PYGB: variants seen among roughly 807,000 people sequenced by gnomAD.
The protein encoded by PYGB is glycogen phosphorylase, brain form.
PYGB carries 82 observed loss-of-function variants against 94.3 expected under a neutral mutation model. That is an observed-to-expected ratio of 0.87 (90% CI 0.73 to 1.04). The LOEUF (loss-of-function observed/expected upper bound fraction) is 1.04, where lower values mean the gene tolerates loss of function less well. Among genes scored for constraint, PYGB ranks in the 50% least tolerant of loss-of-function variants. The pLI is 0.00. For synonymous variants in PYGB, 488 were observed against 479.1 expected (o/e 1.02, Z -0.24); for missense variants, 1,132 against 1,158.2 (o/e 0.98, Z 0.33).
In PYGB at chr20:25,294,661, G is replaced by A. The variant is rs537444784; in HGVS notation, c.2312+369G>A. Reference sequence around the variant, plus strand: ...CAAAACTCCCTGGGGTGGGGTAGGGGGCGCACAAGGGCTGCGGAACCGCGG... The same window carrying A: ...CAAAACTCCCTGGGGTGGGGTAGGGAGCGCACAAGGGCTGCGGAACCGCGG... On this transcript the variant is annotated intron_variant, in intron 18 of 19. Coordinates refer to ENST00000216962, the MANE Select transcript of PYGB (RefSeq NM_002862.4). The A allele has an allele frequency of 1.9e-5, 11 of 568,416 alleles. No individual in the cohort carries two copies. In the East Asian group the frequency reaches 3.4e-4, roughly 18 times the overall value. 35.2% of individuals were successfully genotyped at this position (568,416 alleles called of 1,614,324 possible).
intron 1 of PYGB, among the ~76,000 whole-genome samples, chr20:25,255,535 G>A (rs1047472743): frequency 2.6e-5 from 4 of 152,188 alleles, no homozygotes; most frequent in African/African-American, 9.7e-5. Context: ...TGGCAGGGAG[G>A]GACACTCTGC....
chr20:25,294,745 A>G, intron 18 of PYGB: 1 of 633,480 alleles, frequency 1.6e-6, no homozygotes, highest in South Asian at 1.8e-5. Flanking sequence ...CAACGATGTG[A>G]CATTATAATG....
At chr20:25,250,445 A>G (rs1229231835) in intron 1 of PYGB, among the ~76,000 whole-genome samples, 1 of 152,202 alleles carries the variant, frequency 6.6e-6, no homozygotes, top group Non-Finnish European at 1.5e-5. Flanking sequence ...CTTAAACCGC[A>G]CAGTCTGTAA....
At chr20:25,257,205 A>T (rs1327915201) in intron 1 of PYGB, among the ~76,000 whole-genome samples, 1 of 152,262 alleles carries the variant, frequency 6.6e-6, no homozygotes, top group Admixed American at 6.5e-5. Context: ...GAAAGTTCTT[A>T]AATTGAAACA....
rs2088556064 is a variant in PYGB at position 25,296,930 on chromosome 20, A to AT, written c.*409dup. The AT allele has an allele frequency of 5.6e-6, 1 of 178,084 alleles. No homozygotes were observed. Among genetic ancestry groups the AT allele is most frequent in the Non-Finnish European group, 1.2e-5 (1 of 83,810 alleles). 11.0% of individuals were successfully genotyped at this position (178,084 alleles called of 1,614,324 possible). On this transcript the variant is annotated 3_prime_UTR_variant, in exon 20 of 20. Coordinates refer to ENST00000216962, the MANE Select transcript of PYGB (RefSeq NM_002862.4). ...CCAGTGGCCATAGTGAAGCCTGGGA[A>AT]TGAGTGTTACTGCAGCATCTGGGCT...
At chr20:25,292,150 G>C (rs1428284136) in intron 16 of PYGB, among the ~76,000 whole-genome samples, 1 of 152,180 alleles carries the variant, frequency 6.6e-6, no homozygotes, top group Non-Finnish European at 1.5e-5. Flanking sequence ...TATGCCACCT[G>C]GCTCCTGAGG....
At chr20:25,258,681 AAGCC>A (rs953352730) in intron 1 of PYGB, among the ~76,000 whole-genome samples, 1 of 152,244 alleles carries the variant, frequency 6.6e-6, no homozygotes, top group Admixed American at 6.5e-5. Flanking sequence ...TGGCAACCCC[AAGCC>A]AGCCAGCCAG....
Position 25,269,111 on chromosome 20 carries a change from C to T in PYGB, c.346-18C>T. ...ATATTGAGTAACATTAAAATGCTGC[C>T]TGTGTTTTTGTTTGCAGTTGGGGTT... On this transcript the variant is annotated intron_variant, in intron 2 of 19. Transcript: ENST00000216962. 1 of 1,536,094 alleles carries T rather than the reference C, an allele frequency of 6.5e-7. No individual in the cohort carries two copies.
At chr20:25,276,578 CG>C in intron 5 of PYGB, 67 bp from the exon 6 acceptor site, 2 of 1,369,244 alleles carry the variant, frequency 1.5e-6, no homozygotes, top group African/African-American at 2.9e-5. Context: ...GAGGCTGGGC[CG>C]GGGAGAGGCA....
intron 10 of PYGB, 76 bp from the exon 11 acceptor site, chr20:25,280,873 C>T (rs1600734760): frequency 5.3e-5 from 81 of 1,533,396 alleles, no homozygotes; most frequent in Non-Finnish European, 7.1e-5. Flanking sequence ...CATGGAGTGT[C>T]CCCTGGTCAT....
At chr20:25,288,376 T>G in intron 14 of PYGB, 49 bp from the exon 15 acceptor site, 3 of 1,608,254 alleles carry the variant, frequency 1.9e-6, no homozygotes, top group Non-Finnish European at 2.6e-6. Context: ...CAGCAGGGGC[T>G]CGTCCGGCTC....
chr20:25,291,937 C>T (rs888901991), intron 16 of PYGB, among the ~76,000 whole-genome samples: 1 of 152,176 alleles, frequency 6.6e-6, no homozygotes, highest in African/African-American at 2.4e-5. Flanking sequence ...TGGCATCTGG[C>T]AGCTGCTGGC....
intron 4 of PYGB, 98 bp downstream of exon 4, chr20:25,271,584 G>T: frequency 7.6e-7 from 1 of 1,316,908 alleles, no homozygotes; most frequent in South Asian, 1.2e-5. Context: ...CCACGCCCCC[G>T]CCAGGGGACT....
At chr20:25,278,713 A>G (rs1273206872) in intron 8 of PYGB, among the ~76,000 whole-genome samples, 1 of 152,200 alleles carries the variant, frequency 6.6e-6, no homozygotes, top group Admixed American at 6.5e-5. Context: ...TGTGCTGGGC[A>G]GGCTAAATGG....
intron 11 of PYGB, 49 bp downstream of exon 11, chr20:25,281,161 G>A (rs200439976): frequency 6.3e-5 from 101 of 1,604,018 alleles, no homozygotes; most frequent in Non-Finnish European, 8.3e-5. Context: ...TGACACCCAG[G>A]CCTGCGTCTA....
chr20:25,292,302 C>T (rs1447971287), intron 16 of PYGB, 104 bp from the exon 17 acceptor site: 25 of 1,371,636 alleles, frequency 1.8e-5, no homozygotes, highest in Admixed American at 9.0e-5. Context: ...GGTCCCTCCA[C>T]GACCCAGCCC....
intron 2 of PYGB, among the ~76,000 whole-genome samples, chr20:25,262,573 C>T (rs756313110): frequency 8.5e-5 from 13 of 152,066 alleles, no homozygotes; most frequent in African/African-American, 2.2e-4. Context: ...TATCAGCTAC[C>T]GGGCAGAATA....
At chr20:25,249,839 T>C (rs2092882525) in intron 1 of PYGB, among the ~76,000 whole-genome samples, 1 of 148,072 alleles carries the variant, frequency 6.8e-6, no homozygotes, top group South Asian at 2.1e-4. Flanking sequence ...AGAGTTCTGA[T>C]GCACAGCACC....
At chr20:25,265,335 T>C (rs1026519324) in intron 2 of PYGB, among the ~76,000 whole-genome samples, 2 of 152,218 alleles carry the variant, frequency 1.3e-5, no homozygotes, top group Non-Finnish European at 2.9e-5. Context: ...AGCACCATTT[T>C]ACATTCCTAC....
Sources: gnomAD v4.1 joint callset for allele counts (sites outside exome capture counted in the v4.1 genomes callset) on GRCh38, gnomAD v4.1.1 for gene constraint, MANE v1.5 for transcripts, NCBI Gene and HGNC (gene_info 2026-07-23, HGNC 2026-07-21) for gene names.